Variants in DDX4 observed in about 807,000 individuals in gnomAD.
DDX4 encodes the protein DEAD-box helicase 4.
Under a neutral mutation model 100.0 loss-of-function variants are expected in DDX4, and 25 were observed. The observed-to-expected ratio is 0.25, with a 90% confidence interval of 0.18 to 0.35. The LOEUF (loss-of-function observed/expected upper bound fraction) is 0.35, where lower values mean the gene tolerates loss of function less well. Among genes scored for constraint, DDX4 ranks in the 10% least tolerant of loss-of-function variants. DDX4 has a pLI of 1.00. For synonymous variants in DDX4, 259 were observed against 275.7 expected (o/e 0.94, Z 0.60); for missense variants, 635 against 882.4 (o/e 0.72, Z 3.55).
rs781277218 is a variant in DDX4 at position 55,760,228 on chromosome 5, T to A, written c.156T>A (p.Asp52Glu). 1.3e-6 allele frequency: 2 copies of A among 1,566,730 alleles called. No individual in the cohort carries two copies. The highest frequency in any genetic ancestry group is 1.7e-6 in the Non-Finnish European group (2 of 1,162,956). The part of the protein sequence containing the change: ...SEMDDGPSRR[D>E]HFMKSGFASG... ...TGGATGATGGACCTTCTCGAAGAGA[T>A]CATTTCATGAAAAGTGGATTTGCCT... Residue 52 changes from aspartate to glutamate, a missense_variant, in exon 4 of 22, where the codon GAT (aspartate) becomes GAA (glutamate). This residue lies in a region of DDX4 where 446 missense variants were observed against 540.8 expected (regional missense o/e 0.82). Transcript: ENST00000505374.
At chr5:55,784,529 C>T (rs1171563287) in intron 10 of DDX4, among the ~76,000 whole-genome samples, 2 of 152,226 alleles carry the variant, frequency 1.3e-5, no homozygotes, top group East Asian at 3.8e-4. Context: ...AATTAACCAT[C>T]ACAGCTAGCA....
At chr5:55,810,234 A>G (rs1400173444) in intron 18 of DDX4, among the ~76,000 whole-genome samples, 1 of 151,986 alleles carries the variant, frequency 6.6e-6, no homozygotes, top group Non-Finnish European at 1.5e-5. Flanking sequence ...CCTCCCCAGT[A>G]GCTGGGATTT....
chr5:55,765,792 C>T (rs1015053630), intron 6 of DDX4, among the ~76,000 whole-genome samples: 2 of 152,074 alleles, frequency 1.3e-5, no homozygotes, highest in South Asian at 2.1e-4. Flanking sequence ...CGGCCAGGTA[C>T]ATACTTTATG....
At chr5:55,777,804 G>A (rs971192838) in intron 7 of DDX4, among the ~76,000 whole-genome samples, 9 of 152,080 alleles carry the variant, frequency 5.9e-5, no homozygotes, top group African/African-American at 2.2e-4. Context: ...TAGAGACAAA[G>A]TATACTGTAA....
At chr5:55,799,845 C>G (rs1053773333) in intron 18 of DDX4, among the ~76,000 whole-genome samples, 5 of 152,072 alleles carry the variant, frequency 3.3e-5, no homozygotes, top group African/African-American at 1.2e-4. Context: ...TTAGTACTTG[C>G]GTTTCAGCTT....
chr5:55,775,398 A>G (rs1372296268), intron 7 of DDX4, among the ~76,000 whole-genome samples: 1 of 152,182 alleles, frequency 6.6e-6, no homozygotes. Flanking sequence ...GGAACTAGGT[A>G]AGTTAAAATG....
Position 55,790,585 on chromosome 5 carries a change from A to G in DDX4, c.1182A>G (p.Val394=), listed in dbSNP as rs1055195097. Reference sequence around the variant, plus strand: ...GTTTTCTTGTTAATAGGACTTGTGTAAGAGCTGTTGTTATATATGGGGGAA... The same window carrying G: ...GTTTTCTTGTTAATAGGACTTGTGTGAGAGCTGTTGTTATATATGGGGGAA... The part of the protein sequence containing the change: ...EARKFSFGTC[V]RAVVIYGGTQ... The change falls in exon 16 of 22, where the codon GTA becomes GTG. Residue 394 remains valine, a synonymous_variant. Transcript: ENST00000505374. The G allele has an allele frequency of 2.5e-6, 4 of 1,590,398 alleles. No homozygotes were observed. The highest frequency in any genetic ancestry group is 2.6e-6 in the Non-Finnish European group (3 of 1,159,320).
At chr5:55,782,073 T>A in intron 10 of DDX4, 92 bp downstream of exon 10, 1 of 1,453,714 alleles carries the variant, frequency 6.9e-7, no homozygotes, top group Non-Finnish European at 9.5e-7. Context: ...GAAACAAATT[T>A]AATTTTTGAA....
intron 18 of DDX4, among the ~76,000 whole-genome samples, chr5:55,804,667 G>A (rs939329484): frequency 1.7e-4 from 26 of 152,012 alleles, no homozygotes; most frequent in Admixed American, 2.0e-4. Flanking sequence ...GCTCTGTTCT[G>A]TTCCATTGAT....
At chr5:55,761,751 G>A (rs1041154920) in intron 4 of DDX4, among the ~76,000 whole-genome samples, 1 of 152,038 alleles carries the variant, frequency 6.6e-6, no homozygotes, top group Non-Finnish European at 1.5e-5. Context: ...GAGATTACAG[G>A]TGTGCGCCAC....
At chr5:55,797,619 G>C (rs1743046575) in intron 17 of DDX4, among the ~76,000 whole-genome samples, 2 of 152,176 alleles carry the variant, frequency 1.3e-5, no homozygotes, top group South Asian at 4.1e-4. Context: ...GGTAAATAAG[G>C]GACTGCTACA....
rs754260182 is a variant in DDX4 at position 55,760,303 on chromosome 5, C to A, written c.205+26C>A. ...GTAAGCATCTTTGTCTTTCCTTAAT[C>A]TCCTGAACTGTTGAATAATTGGATA... On this transcript the variant is annotated intron_variant, in intron 4 of 21. Coordinates refer to ENST00000505374, the MANE Select transcript of DDX4 (RefSeq NM_024415.3). 5 of 1,524,030 alleles carry A rather than the reference C, an allele frequency of 3.3e-6. No homozygotes were observed. In the Admixed American group the frequency reaches 1.0e-4, roughly 31 times the overall value. 94.4% of individuals were successfully genotyped at this position (1,524,030 alleles called of 1,614,324 possible).
At chr5:55,769,736 G>GA (rs1417938583) in intron 7 of DDX4, among the ~76,000 whole-genome samples, 2 of 152,160 alleles carry the variant, frequency 1.3e-5, no homozygotes, top group Non-Finnish European at 2.9e-5. Flanking sequence ...AACAAAGCTG[G>GA]AAAGCGTCAC....
chr5:55,805,245 G>GA (rs1347255342), intron 18 of DDX4, among the ~76,000 whole-genome samples: 3 of 152,026 alleles, frequency 2.0e-5, no homozygotes, highest in Non-Finnish European at 4.4e-5. Context: ...GGGTTTTCTA[G>GA]ATATACAGTC....
intron 17 of DDX4, among the ~76,000 whole-genome samples, chr5:55,793,161 T>C (rs1742700485): frequency 6.6e-6 from 1 of 152,078 alleles, no homozygotes; most frequent in Non-Finnish European, 1.5e-5. Context: ...AACCTAAATC[T>C]ATAGGATTTG....
chr5:55,739,297 G>A (rs907161842), intron 2 of DDX4, among the ~76,000 whole-genome samples: 1 of 152,206 alleles, frequency 6.6e-6, no homozygotes, highest in Non-Finnish European at 1.5e-5. Flanking sequence ...TTCCTCAGGT[G>A]AAAGCAAACT....
chr5:55,751,683 T>A (rs984394313), intron 3 of DDX4, among the ~76,000 whole-genome samples: 4 of 152,232 alleles, frequency 2.6e-5, no homozygotes, highest in Non-Finnish European at 5.9e-5. Context: ...CAGGCATTGT[T>A]AATATTCTAG....
At chr5:55,808,253 A>G (rs1743874803) in intron 18 of DDX4, among the ~76,000 whole-genome samples, 1 of 151,984 alleles carries the variant, frequency 6.6e-6, no homozygotes, top group African/African-American at 2.4e-5. Flanking sequence ...CTTCTTTGCC[A>G]TGGCTTTGTA....
At chr5:55,739,381 T>C (rs1185767449) in intron 2 of DDX4, among the ~76,000 whole-genome samples, 2 of 152,240 alleles carry the variant, frequency 1.3e-5, no homozygotes, top group Non-Finnish European at 2.9e-5. Flanking sequence ...TTTTGGGAGA[T>C]ATTTTAAATT....
Sources: gnomAD v4.1 joint callset for allele counts (sites outside exome capture counted in the v4.1 genomes callset) on GRCh38, gnomAD v4.1.1 for gene constraint, gnomAD v4.1.1 regional missense constraint, MANE v1.5 for transcripts, NCBI Gene and HGNC (gene_info 2026-07-23, HGNC 2026-07-21) for gene names.